The following ZNF875 variants were observed in gnomAD, a reference collection of about 807,000 sequenced individuals.
The protein encoded by ZNF875 is HKR1, GLI-Kruppel zinc finger family member.
Under a neutral mutation model 11.2 loss-of-function variants are expected in ZNF875, and 14 were observed. The observed-to-expected ratio is 1.26, with a 90% CI of 0.83 to 1.96. The LOEUF is 1.96. Ranked by LOEUF, ZNF875 falls within the 30% of genes most tolerant of loss-of-function variation. ZNF875 has a pLI of 0.00. For missense variants in ZNF875, 752 were observed against 760.4 expected, an observed-to-expected ratio of 0.99 and a Z score of 0.13; for synonymous variants, 301 against 281.1, an observed-to-expected ratio of 1.07 and a Z score of -0.71.
At chr19:37,320,586 T>C (rs1162529103) in intron 1 of ZNF875, among the ~76,000 whole-genome samples, 1 of 152,242 alleles carries the variant, frequency 6.6e-6, no homozygotes, top group Non-Finnish European at 1.5e-5. Context: ...ATTTCAGACA[T>C]GGCACAAGGG....
At chr19:37,356,150 G>A (rs1202319433) in intron 4 of ZNF875, among the ~76,000 whole-genome samples, 2 of 152,270 alleles carry the variant, frequency 1.3e-5, no homozygotes, top group Middle Eastern at 3.4e-3. Context: ...TGGTGTGTGT[G>A]TACCACATTT....
intron 2 of ZNF875, among the ~76,000 whole-genome samples, chr19:37,342,024 C>T (rs1046432245): frequency 2.0e-5 from 3 of 152,182 alleles, no homozygotes; most frequent in African/African-American, 4.8e-5. Context: ...TGGGACTGCT[C>T]TATTAAACAA....
At chr19:37,345,018 C>G in intron 2 of ZNF875, 2 of 414,832 alleles carry the variant, frequency 4.8e-6, no homozygotes, top group Non-Finnish European at 9.0e-6. Flanking sequence ...CACCTAGATT[C>G]TCAGTGAGTA....
At position 37,347,296 on chromosome 19, in the gene ZNF875, A is replaced by C. The variant is rs1485477354; in HGVS notation, c.140A>C (p.Tyr47Ser). 1.9e-6 allele frequency: 3 copies of C among 1,613,942 alleles called. No individual in the cohort carries two copies. In the Admixed American group the frequency reaches 5.0e-5, roughly 27 times the overall value. The change falls in exon 3 of 5, where the codon TAT becomes TCT. Residue 47 changes from tyrosine to serine, a missense_variant. Transcript: ENST00000392153. ...TLHREVMLET[Y>S]NHLVSLEIPS... The stretch of plus-strand genomic sequence containing the variant: ...CACAGGGAGGTGATGCTGGAGACTT[A>C]TAACCATCTGGTCTCACTGGGTAAG...
intron 4 of ZNF875, among the ~76,000 whole-genome samples, chr19:37,325,793 G>C (rs1191274878): frequency 6.6e-6 from 1 of 151,904 alleles, no homozygotes; most frequent in Non-Finnish European, 1.5e-5. Flanking sequence ...CTGCAGCCTC[G>C]ATATCTGGGG....
At chr19:37,352,874 C>CTTTTTTTTTTTTTTTTTTTTTTTT (rs60469285) in intron 4 of ZNF875, among the ~76,000 whole-genome samples, 1 of 87,766 alleles carries the variant, frequency 1.1e-5, no homozygotes, top group African/African-American at 4.4e-5. Context: ...ATTCTTTTTT[C>CTTTTTTTTTTTTTTTTTTTTTTTT]TTTTTTTTTT....
At chr19:37,340,966 G>C (rs553077632) in intron 2 of ZNF875, among the ~76,000 whole-genome samples, 13 of 152,052 alleles carry the variant, frequency 8.5e-5, no homozygotes, top group Non-Finnish European at 1.6e-4. Context: ...TTTTAACTTA[G>C]ATACATTTAC....
Position 37,347,278 on chromosome 19 carries a change from A to C in ZNF875, c.122A>C (p.Glu41Ala). 6.2e-7 allele frequency: 1 copy of C among 1,614,030 alleles called. No individual in the cohort carries two copies. The highest frequency in any genetic ancestry group is 8.5e-7 in the Non-Finnish European group (1 of 1,179,920). ...CCTGCTCAGAGGACCCTGCACAGGG[A>C]GGTGATGCTGGAGACTTATAACCAT... is the stretch of plus-strand genomic sequence containing the variant. ...LSPAQRTLHR[E>A]VMLETYNHLV... The change falls in exon 3 of 5, where the codon GAG becomes GCG. Residue 41 changes from glutamate to alanine, a missense_variant. Physicochemically the swap from Glu to Ala is moderately radical, Grantham distance 107 (BLOSUM62 -1). Coordinates refer to ENST00000392153, the MANE Select transcript of ZNF875 (RefSeq NM_001353803.2).
Position 37,334,730 on chromosome 19 carries a change from C to T in ZNF875, c.-109C>T. 3 of 456,166 alleles carry T rather than the reference C, an allele frequency of 6.6e-6. No homozygotes were observed. Among genetic ancestry groups the T allele is most frequent in the South Asian group, 4.6e-5 (3 of 64,560 alleles). 28.3% of individuals were successfully genotyped at this position (456,166 alleles called of 1,614,324 possible). On this transcript the variant is annotated 5_prime_UTR_variant, in exon 1 of 5. Transcript: ENST00000392153. Reference sequence around the variant, plus strand: ...TCTTAAGGTCTTTCCCACACCTCTGCACCTTGTTACCTGACTTTCGGCTTC... The same window carrying T: ...TCTTAAGGTCTTTCCCACACCTCTGTACCTTGTTACCTGACTTTCGGCTTC...
rs1374109760 is a variant in ZNF875 at position 37,347,780 on chromosome 19, T to C, written c.164T>C (p.Ile55Thr). 4.4e-6 allele frequency: 7 copies of C among 1,608,184 alleles called. No individual in the cohort carries two copies. Among genetic ancestry groups the C allele is most frequent in the Non-Finnish European group, 6.0e-6 (7 of 1,174,650 alleles). Residue 55 changes from isoleucine (I) to threonine (T), a missense_variant, in exon 4 of 5, where the codon ATT becomes ACT. Transcript: ENST00000392153. ...TCATTTTCTTCCCTATGAACAGAAA[T>C]TCCATCTTCTAAACCAAAACTCATT... is the stretch of plus-strand genomic sequence containing the variant. ...ETYNHLVSLE[I>T]PSSKPKLIAQ...
At chr19:37,353,917 T>C (rs1266063614) in intron 4 of ZNF875, among the ~76,000 whole-genome samples, 1 of 152,180 alleles carries the variant, frequency 6.6e-6, no homozygotes, top group Non-Finnish European at 1.5e-5. Flanking sequence ...AGTTTTATTT[T>C]CTATTCACTG....
In ZNF875 at chr19:37,352,781, CT is replaced by C. The variant is rs201009756; in HGVS notation, c.256+4912del. Among the ~76,000 whole-genome samples the C allele has an allele frequency of 3.3e-4, 50 of 149,962 alleles. 1 individual carries two copies. The East Asian group carries it at 9.8e-3, about 29-fold the overall frequency. Reference sequence around the variant, plus strand: ...TTATTTCTACTTTTGCCAGATTTTTCTTTGTTTTCTCCAATGTGTTTTTACT... The same window carrying C: ...TTATTTCTACTTTTGCCAGATTTTTCTTGTTTTCTCCAATGTGTTTTTACT... On this transcript the variant is annotated intron_variant, in intron 4 of 4. Transcript: ENST00000392153.
At chr19:37,356,808 G>A (rs1409127978) in intron 4 of ZNF875, among the ~76,000 whole-genome samples, 6 of 152,152 alleles carry the variant, frequency 3.9e-5, no homozygotes, top group African/African-American at 1.4e-4. Flanking sequence ...TTCTTTTGCA[G>A]TGCAGAAGCT....
intron 2 of ZNF875, among the ~76,000 whole-genome samples, chr19:37,336,282 C>G (rs2034385943): frequency 6.7e-6 from 1 of 148,668 alleles, no homozygotes; most frequent in Non-Finnish European, 1.5e-5. Flanking sequence ...GGCCAGTGGA[C>G]TTGCTTAAGA....
upstream of ZNF875, chr19:37,314,827 T>C (rs1188179828): frequency 1.3e-5 from 2 of 151,268 alleles, no homozygotes; most frequent in Non-Finnish European, 2.9e-5. Flanking sequence ...AAATGTGGAC[T>C]AGACTCTGGA....
intron 4 of ZNF875, among the ~76,000 whole-genome samples, chr19:37,357,641 G>C (rs1345896927): frequency 6.6e-6 from 1 of 152,012 alleles, no homozygotes; most frequent in Non-Finnish European, 1.5e-5. Context: ...CTCTAAGCTT[G>C]AATGTTACTG....
chr19:37,345,854 T>G (rs2036657354), intron 2 of ZNF875, among the ~76,000 whole-genome samples: 1 of 152,222 alleles, frequency 6.6e-6, no homozygotes, highest in Admixed American at 6.5e-5. Flanking sequence ...CAGACTCATT[T>G]GGAAATCTCA....
intron 2 of ZNF875, among the ~76,000 whole-genome samples, chr19:37,322,545 A>T (rs955764294): frequency 6.6e-6 from 1 of 151,966 alleles, no homozygotes; most frequent in African/African-American, 2.4e-5. Flanking sequence ...TATGCCTGGG[A>T]CTCTGGCTTT....
At chr19:37,343,455 C>T (rs1022891914) in intron 2 of ZNF875, among the ~76,000 whole-genome samples, 1 of 151,732 alleles carries the variant, frequency 6.6e-6, no homozygotes, top group African/African-American at 2.4e-5. Context: ...GTAGGCCCGG[C>T]ATGGCTGAGC....
Sources: allele counts gnomAD v4.1 joint callset (sites outside exome capture counted in the v4.1 genomes callset), GRCh38; gene constraint gnomAD v4.1.1; transcripts MANE v1.5; gene names NCBI Gene and HGNC (gene_info 2026-07-23, HGNC 2026-07-21).